CR2: variants seen among roughly 807,000 people sequenced by gnomAD.
CR2 encodes complement receptor type 2.
CR2 carries 96 observed loss-of-function variants against 123.0 expected under a neutral mutation model. The observed-to-expected ratio is 0.78, with a 90% CI of 0.66 to 0.93. The LOEUF is 0.93. Among genes scored for constraint, CR2 ranks in the 40% least tolerant of loss-of-function variants. The pLI, the probability that CR2 is intolerant of heterozygous loss-of-function variation, is 0.00. For missense variants in CR2, 1,258 were observed against 1,361.0 expected (o/e 0.92, Z 1.19); for synonymous variants, 484 against 469.5 (o/e 1.03, Z -0.40).
chr1:207,466,830 C>T lies in CR2; in HGVS notation c.363C>T (p.Asn121=), dbSNP rs201962814. Residue 121 remains asparagine, a synonymous_variant, in exon 2 of 20, where the codon AAC becomes AAT. Transcript: ENST00000367057. ...GDSVTFACKT[N]FSMNGNKSVW... is the part of the protein sequence containing the mutation. ...CTGTGACATTTGCCTGTAAAACCAA[C>T]TTCTCCATGAACGGAAACAAGTCTG... is the stretch of plus-strand genomic sequence containing the variant. The T allele has an allele frequency of 3.1e-6, 5 of 1,613,304 alleles. No individual in the cohort carries two copies. Among genetic ancestry groups the T allele is most frequent in the Middle Eastern group, 3.3e-4 (2 of 6,082 alleles).
At chr1:207,478,610 G>A (rs1389660055) in intron 16 of CR2, among the ~76,000 whole-genome samples, 1 of 150,116 alleles carries the variant, frequency 6.7e-6, no homozygotes, top group Admixed American at 6.6e-5. Context: ...ACTTTCTTAG[G>A]ATGGGGAAAG....
intron 15 of CR2, among the ~76,000 whole-genome samples, chr1:207,477,085 A>G (rs1658461556): frequency 1.3e-5 from 2 of 152,242 alleles, no homozygotes; most frequent in African/African-American, 4.8e-5. Flanking sequence ...CCAGGCTTCA[A>G]ATCCAAGATC....
chr1:207,483,699 G>A (rs754242616), intron 18 of CR2, among the ~76,000 whole-genome samples: 65 of 152,066 alleles, frequency 4.3e-4, no homozygotes, highest in Admixed American at 9.2e-4. Context: ...ACATGAAGGC[G>A]ATGAGGTGGA....
At position 207,472,865 on chromosome 1, in the gene CR2, C is replaced by T. The variant is rs770563848; in HGVS notation, c.1664C>T (p.Thr555Ile). The part of the protein sequence containing the change: ...DFPYGTTVTY[T>I]CNPGPERGVE... ...CCATATGGAACCACGGTCACTTACA[C>T]ATGTAACCCTGGGCCAGAAAGAGGA... The change falls in exon 10 of 20, where the codon ACA becomes ATA. Residue 555 changes from threonine to isoleucine, a missense_variant. Thr to Ile is a moderately conservative substitution (Grantham distance 89). Transcript: ENST00000367057. 1 of 1,614,050 alleles carries T rather than the reference C, an allele frequency of 6.2e-7. No individual in the cohort carries two copies. Among genetic ancestry groups the T allele is most frequent in the Non-Finnish European group, 8.5e-7 (1 of 1,179,964 alleles).
At chr1:207,471,109 C>A in intron 8 of CR2, 22 bp downstream of exon 8, 1 of 1,609,402 alleles carries the variant, frequency 6.2e-7, no homozygotes, top group South Asian at 1.1e-5. Context: ...CTGACTTAGT[C>A]TGACCCAATT....
At chr1:207,463,747 AC>A (rs1658022034) in intron 1 of CR2, among the ~76,000 whole-genome samples, 1 of 151,688 alleles carries the variant, frequency 6.6e-6, no homozygotes, top group African/African-American at 2.4e-5. Context: ...TTAGATATCT[AC>A]TCTTTGGTGA....
intron 10 of CR2, 131 bp downstream of exon 10, chr1:207,473,310 A>G: frequency 8.5e-7 from 1 of 1,180,928 alleles, no homozygotes; most frequent in Non-Finnish European, 1.2e-6. Flanking sequence ...TCCATCCTAT[A>G]ATAGATGTTC....
chr1:207,466,544 C>G lies in CR2; in HGVS notation c.77C>G (p.Pro26Arg). 1 of 1,614,048 alleles carries G rather than the reference C, an allele frequency of 6.2e-7. No homozygotes were observed. Among genetic ancestry groups the G allele is most frequent in the Non-Finnish European group, 8.5e-7 (1 of 1,179,980 alleles). Residue 26 changes from proline (P) to arginine (R), a missense_variant, in exon 2 of 20, where the codon CCT (proline) becomes CGT (arginine). Pro to Arg is a moderately radical substitution (Grantham distance 103). Coordinates refer to ENST00000367057, the MANE Select transcript of CR2 (RefSeq NM_001006658.3). ...TTTTCAGGGATTTCTTGTGGCTCTC[C>G]TCCGCCTATCCTAAATGGCCGGATT... ...PGVLGISCGS[P>R]PPILNGRISY...
chr1:207,471,837 T>C, intron 9 of CR2: 1 of 356,624 alleles, frequency 2.8e-6, no homozygotes, highest in South Asian at 2.2e-5. Context: ...TCACATTCTG[T>C]CTCTACTGCT....
chr1:207,462,788 A>G (rs928919870), intron 1 of CR2, among the ~76,000 whole-genome samples: 7 of 152,190 alleles, frequency 4.6e-5, no homozygotes, highest in South Asian at 2.1e-4. Flanking sequence ...CAAAAAGGAA[A>G]TGATCACTGT....
In CR2 at chr1:207,470,758, A is replaced by T; in HGVS notation, c.1244A>T (p.Asn415Ile). The T allele has an allele frequency of 6.2e-7, 1 of 1,613,792 alleles. No individual in the cohort carries two copies. The highest frequency in any genetic ancestry group is 8.5e-7 in the Non-Finnish European group (1 of 1,179,806). Residue 415 changes from asparagine to isoleucine, a missense_variant, in exon 7 of 20, where the codon AAC becomes ATC. By Grantham distance (149) the Asn-to-Ile change is moderately radical. Coordinates refer to ENST00000367057, the MANE Select transcript of CR2 (RefSeq NM_001006658.3). Reference protein sequence around the residue: ...VCEKECQAPPNILNGQKEDRH... With the variant: ...VCEKECQAPPIILNGQKEDRH... ...CATTTAGAATGCCAGGCCCCTCCTA[A>T]CATCCTCAATGGGCAAAAGGAAGAT...
At chr1:207,471,550 T>A (rs780232346) in intron 9 of CR2, 51 bp downstream of exon 9, 1 of 1,310,464 alleles carries the variant, frequency 7.6e-7, no homozygotes, top group South Asian at 1.2e-5. Flanking sequence ...ATCTATACAT[T>A]TCCTGGGAGA....
At chr1:207,462,160 G>A (rs1424589843) in intron 1 of CR2, among the ~76,000 whole-genome samples, 4 of 152,110 alleles carry the variant, frequency 2.6e-5, no homozygotes, top group Non-Finnish European at 5.9e-5. Flanking sequence ...AGTGGGGCCT[G>A]GGAGTGACAT....
chr1:207,485,439 C>A, intron 18 of CR2, 25 bp from the exon 19 acceptor site: 3 of 1,423,190 alleles, frequency 2.1e-6, no homozygotes, highest in South Asian at 1.2e-5. Flanking sequence ...AAAGATATTA[C>A]ATTTTTCTTT....
In CR2 at chr1:207,471,442, G is replaced by A; in HGVS notation, c.1513G>A (p.Val505Ile). The part of the protein sequence containing the change: ...CGEGYKLSGS[V>I]YQECQGTIPW... Reference sequence around the variant, plus strand: ...CTCTAGGTACAAGTTAAGTGGGAGTGTTTATCAGGAGTGTCAAGGCACAAT... The same window carrying A: ...CTCTAGGTACAAGTTAAGTGGGAGTATTTATCAGGAGTGTCAAGGCACAAT... The change falls in exon 9 of 20, where the codon GTT (valine) becomes ATT (isoleucine). Residue 505 changes from valine (V) to isoleucine (I), a missense_variant. Coordinates refer to ENST00000367057, the MANE Select transcript of CR2 (RefSeq NM_001006658.3). 2 of 1,613,004 alleles carry A rather than the reference G, an allele frequency of 1.2e-6. No individual in the cohort carries two copies. The highest frequency in any genetic ancestry group is 1.7e-6 in the Non-Finnish European group (2 of 1,179,116).
In CR2 at chr1:207,474,935, A is replaced by G; in HGVS notation, c.2435A>G (p.Tyr812Cys). 1 of 1,614,100 alleles carries G rather than the reference A, an allele frequency of 6.2e-7. No homozygotes were observed. Among genetic ancestry groups the G allele is most frequent in the Non-Finnish European group, 8.5e-7 (1 of 1,179,984 alleles). Residue 812 changes from tyrosine (Y) to cysteine (C), a missense_variant, in exon 14 of 20, where the codon TAT becomes TGT. By Grantham distance (194) the Tyr-to-Cys change is radical. Transcript: ENST00000367057. ...TCTTATGAATGTGACCAAGGATTCT[A>G]TCTCCTGGGAGAGAAAAAATTGCAG... ...EVSYECDQGF[Y>C]LLGEKKLQCR...
chr1:207,469,019 T>C, intron 4 of CR2, 120 bp downstream of exon 4: 1 of 1,358,146 alleles, frequency 7.4e-7, no homozygotes, highest in Non-Finnish European at 1.1e-6. Context: ...GGTAGGGTTG[T>C]GAGAGGTAAT....
intron 6 of CR2, 53 bp downstream of exon 6, chr1:207,470,155 A>G: frequency 6.2e-7 from 1 of 1,606,766 alleles, no homozygotes; most frequent in Non-Finnish European, 8.5e-7. Flanking sequence ...CTGAAAAATT[A>G]GAAGAAGGGG....
At chr1:207,466,387 C>T (rs1218639465) in intron 1 of CR2, 139 bp from the exon 2 acceptor site, 12 of 965,498 alleles carry the variant, frequency 1.2e-5, no homozygotes, top group Admixed American at 4.0e-5. Context: ...TGGGAGTAAG[C>T]AGGGAATAAA....
Sources: gnomAD v4.1 joint callset for allele counts (sites outside exome capture counted in the v4.1 genomes callset) on GRCh38, gnomAD v4.1.1 for gene constraint, MANE v1.5 for transcripts, NCBI Gene and HGNC (gene_info 2026-07-23, HGNC 2026-07-21) for gene names.